MAPK6: variants seen among roughly 807,000 people sequenced by gnomAD.
MAPK6 encodes mitogen-activated protein kinase 6.
A neutral mutation model predicts 59.3 loss-of-function variants in MAPK6; 19 were observed. That is an observed-to-expected ratio of 0.32 (90% CI 0.22 to 0.47). MAPK6 has a LOEUF of 0.47. Ranked by LOEUF, MAPK6 falls within the 20% of genes least tolerant of loss-of-function variation. The pLI, the probability that MAPK6 is intolerant of heterozygous loss-of-function variation, is 1.00. For synonymous variants in MAPK6, 316 were observed against 290.3 expected, an observed-to-expected ratio of 1.09 and a Z score of -0.90; for missense variants, 724 against 847.9, an observed-to-expected ratio of 0.85 and a Z score of 1.81.
intron 1 of MAPK6, among the ~76,000 whole-genome samples, chr15:52,041,206 T>G (rs1293765703): frequency 6.6e-6 from 1 of 150,592 alleles, no homozygotes; most frequent in Non-Finnish European, 1.5e-5. Flanking sequence ...TTTTTGTTTT[T>G]TTGTTTTGAG....
intron 1 of MAPK6, among the ~76,000 whole-genome samples, chr15:51,982,747 A>G (rs2057178455): frequency 6.6e-6 from 1 of 152,194 alleles, no homozygotes; most frequent in African/African-American, 2.4e-5. Context: ...AACTATAGGC[A>G]CTCTGATTTG....
intron 1 of MAPK6, among the ~76,000 whole-genome samples, chr15:51,974,323 A>G (rs2057150788): frequency 6.6e-6 from 1 of 151,444 alleles, no homozygotes; most frequent in African/African-American, 2.4e-5. Flanking sequence ...ATTTAATCCT[A>G]TTTGGTTTGT....
chr15:52,036,839 C>CT (rs1037724739), intron 1 of MAPK6, among the ~76,000 whole-genome samples: 1 of 151,550 alleles, frequency 6.6e-6, no homozygotes, highest in African/African-American at 2.4e-5. Context: ...CTCCCCTCCC[C>CT]TTTTTTTGTG....
intron 1 of MAPK6, among the ~76,000 whole-genome samples, chr15:52,030,896 A>G (rs1428727733): frequency 2.0e-5 from 3 of 151,426 alleles, no homozygotes; most frequent in African/African-American, 7.3e-5. Flanking sequence ...GGTTCAAGCA[A>G]TTCTCGTGCC....
intron 2 of MAPK6, among the ~76,000 whole-genome samples, chr15:51,990,422 CA>C (rs2057204466): frequency 6.6e-6 from 1 of 152,096 alleles, no homozygotes; most frequent in Non-Finnish European, 1.5e-5. Context: ...TGATTGCATT[CA>C]ATATGCAAAG....
chr15:52,051,889 T>C (rs1213899442), intron 3 of MAPK6, among the ~76,000 whole-genome samples: 1 of 151,598 alleles, frequency 6.6e-6, no homozygotes, highest in Non-Finnish European at 1.5e-5. Context: ...AAAAAAAAAT[T>C]TCTAAGATGT....
chr15:52,005,523 A>G (rs1411675802), intron 3 of MAPK6, among the ~76,000 whole-genome samples: 1 of 151,540 alleles, frequency 6.6e-6, no homozygotes, highest in Non-Finnish European at 1.5e-5. Context: ...GTGACATTCC[A>G]TCTCAAAAAA....
chr15:52,059,355 T>G (rs28408666), intron 4 of MAPK6, among the ~76,000 whole-genome samples: 13,429 of 152,280 alleles, frequency 0.088, 1,126 homozygotes, highest in African/African-American at 0.2. Flanking sequence ...CTTGAACTCC[T>G]GAGCTCAAGC....
chr15:51,992,664 C>A (rs987150562), intron 2 of MAPK6, among the ~76,000 whole-genome samples: 3 of 152,064 alleles, frequency 2.0e-5, no homozygotes, highest in African/African-American at 7.2e-5. Context: ...TACTTCTGAC[C>A]CATCAGCTAT....
At chr15:52,016,796 A>G (rs2030283897), upstream of MAPK6, among the ~76,000 whole-genome samples, 2 of 152,166 alleles carry the variant, frequency 1.3e-5, no homozygotes, top group African/African-American at 2.4e-5. Flanking sequence ...CTGTAATCCC[A>G]GCACTTTCGG....
intron 1 of MAPK6, 74 bp downstream of exon 1, chr15:52,019,450 GCGGCGGCGGCGGCGGCGA>G (rs914771413): frequency 1.4e-5 from 2 of 146,968 alleles, no homozygotes; most frequent in African/African-American, 4.9e-5. Flanking sequence ...GGGCCCGGCG[GCGGCGGCGGCGGCGGCGA>G]CGGCGGAGCC....
At chr15:52,050,221 A>C (rs1372183380) in intron 3 of MAPK6, 84 bp downstream of exon 3, 1 of 1,243,920 alleles carries the variant, frequency 8.0e-7, no homozygotes, top group Non-Finnish European at 1.1e-6. Flanking sequence ...TATAAGATTT[A>C]AAATAATTTG....
chr15:52,000,265 T>G (rs965641726), intron 2 of MAPK6, among the ~76,000 whole-genome samples: 1 of 152,228 alleles, frequency 6.6e-6, no homozygotes, highest in African/African-American at 2.4e-5. Flanking sequence ...GATGGGGTCT[T>G]CTGAAGCACA....
chr15:51,978,638 T>C (rs1316792577), intron 1 of MAPK6, among the ~76,000 whole-genome samples: 4 of 151,830 alleles, frequency 2.6e-5, no homozygotes, highest in African/African-American at 9.6e-5. Context: ...CAGAGATTTT[T>C]TGGGGGGATT....
chr15:51,988,358 G>A (rs2057197468), intron 2 of MAPK6, among the ~76,000 whole-genome samples: 1 of 152,088 alleles, frequency 6.6e-6, no homozygotes, highest in African/African-American at 2.4e-5. Context: ...AGAAACATTT[G>A]AGAAATGAGA....
chr15:52,000,320 G>C (rs2057238583), intron 2 of MAPK6, among the ~76,000 whole-genome samples: 1 of 152,108 alleles, frequency 6.6e-6, no homozygotes, highest in South Asian at 2.1e-4. Context: ...ATTTTTCTTT[G>C]GTTGCCTGTG....
At chr15:52,016,152 G>A (rs1371043967), upstream of MAPK6, among the ~76,000 whole-genome samples, 1 of 144,718 alleles carries the variant, frequency 6.9e-6, no homozygotes, top group East Asian at 2.1e-4. Context: ...TGTAATCCCA[G>A]CACTTTGGGA....
chr15:52,001,262 C>A (rs1449684162), intron 2 of MAPK6, among the ~76,000 whole-genome samples: 1 of 152,160 alleles, frequency 6.6e-6, no homozygotes, highest in Non-Finnish European at 1.5e-5. Context: ...GCTTGGACTT[C>A]TCAGCCTCCA....
intron 1 of MAPK6, among the ~76,000 whole-genome samples, chr15:52,029,633 C>G: frequency 6.6e-6 from 1 of 152,300 alleles, no homozygotes; most frequent in Middle Eastern, 3.4e-3. Context: ...CCATAATATT[C>G]TTCCAGTCTT....
Sources: allele counts gnomAD v4.1 joint callset (sites outside exome capture counted in the v4.1 genomes callset), GRCh38; gene constraint gnomAD v4.1.1; transcripts MANE v1.5; gene names NCBI Gene and HGNC (gene_info 2026-07-23, HGNC 2026-07-21).